The following NBPF14 variants were observed in gnomAD, a reference collection of about 807,000 sequenced individuals.
NBPF14 encodes NBPF member 14.
A neutral mutation model predicts 91.2 loss-of-function variants in NBPF14; 104 were observed. That is an observed-to-expected ratio of 1.14 (90% CI 0.97 to 1.34). The LOEUF (loss-of-function observed/expected upper bound fraction) is 1.34, where lower values mean the gene tolerates loss of function less well. Ranked by LOEUF, NBPF14 falls within the 40% of genes most tolerant of loss-of-function variation. The pLI is 0.00. For synonymous variants in NBPF14, 294 were observed against 303.8 expected, an observed-to-expected ratio of 0.97 and a Z score of 0.34; for missense variants, 908 against 783.0, an observed-to-expected ratio of 1.16 and a Z score of -1.91.
chr1:148,576,147 A>T (rs1351580713), intron 16 of NBPF14, among the ~76,000 whole-genome samples: 9 of 96,882 alleles, frequency 9.3e-5, no homozygotes, highest in Admixed American at 5.4e-4. Flanking sequence ...TGGGCTCAAT[A>T]ATTTTCCGTA....
At chr1:148,574,458 C>T (rs1659474297) in intron 18 of NBPF14, among the ~76,000 whole-genome samples, 1 of 55,846 alleles carries the variant, frequency 1.8e-5, no homozygotes, top group Non-Finnish European at 3.6e-5. Context: ...CACACACACA[C>T]ACACACACAC....
intron 37 of NBPF14, among the ~76,000 whole-genome samples, chr1:148,559,359 A>G (rs1336096354): frequency 1.5e-5 from 2 of 130,570 alleles, no homozygotes; most frequent in Non-Finnish European, 3.0e-5. Context: ...ATCGATTTAA[A>G]GCAATTGCCC....
chr1:148,566,538 CA>C, intron 28 of NBPF14, among the ~76,000 whole-genome samples: 1 of 107,792 alleles, frequency 9.3e-6, no homozygotes, highest in Middle Eastern at 5.7e-3. Flanking sequence ...CACACACACA[CA>C]CAAACACACA....
Position 148,572,653 on chromosome 1 carries a change from G to T in NBPF14, c.2586-38C>A. On this transcript the variant is annotated intron_variant, in intron 20 of 70. Coordinates refer to ENST00000619423, the Ensembl canonical transcript of NBPF14. ...GAAAAAGTAAAGAATAAGCCAGGGG[G>T]AATCAGAAACCACACAGCCCCAGCT... The T allele has an allele frequency of 6.2e-6, 4 of 647,652 alleles. 1 individual carries two copies. The highest frequency in any genetic ancestry group is 1.1e-5 in the Non-Finnish European group (4 of 363,482). 40.1% of individuals were successfully genotyped at this position (647,652 alleles called of 1,614,324 possible).
At chr1:148,534,180 A>G (rs1247707266) in intron 69 of NBPF14, among the ~76,000 whole-genome samples, 2 of 149,782 alleles carry the variant, frequency 1.3e-5, no homozygotes, top group African/African-American at 2.5e-5. Context: ...TCCCTATTCT[A>G]GTAGATCGTT....
chr1:148,566,586 G>C (rs1282824495), intron 28 of NBPF14, among the ~76,000 whole-genome samples: 1 of 142,524 alleles, frequency 7.0e-6, no homozygotes, highest in Admixed American at 7.0e-5. Flanking sequence ...AATTGTCCAG[G>C]TGACACACTG....
At chr1:148,587,360 A>G in exon 8 of NBPF14, 1 of 1,583,014 alleles carries the variant, frequency 6.3e-7, no homozygotes, top group Admixed American at 1.7e-5. Context: ...ACTGTCGCTC[A>G]TTCCTCAGCA....
intron 11 of NBPF14, among the ~76,000 whole-genome samples, chr1:148,583,844 G>T: frequency 1.3e-5 from 1 of 76,240 alleles, no homozygotes; most frequent in Non-Finnish European, 2.1e-5. Flanking sequence ...ACTCCAGCCT[G>T]GGTGACAGAG....
chr1:148,566,394 C>T (rs1658286721), intron 28 of NBPF14, 79 bp from the exon 29 acceptor site: 5 of 673,442 alleles, frequency 7.4e-6, no homozygotes, highest in South Asian at 1.6e-5. Context: ...TCATGGGTAG[C>T]ATAGGGAAGT....
chr1:148,534,823 A>T lies in NBPF14; in HGVS notation c.8475T>A (p.Pro2825=). The change falls in exon 69 of 71, where the codon CCT becomes CCA. Residue 2825 remains proline, a synonymous_variant. Transcript: ENST00000619423. ...TATCCAGTGAGTCCTGCAAGACTTC[A>T]GGATCTTTCTCATCCAGCAGCTCCC... The T allele has an allele frequency of 3.5e-6, 4 of 1,136,740 alleles. 1 individual carries two copies. The South Asian group carries it at 5.0e-5, about 14-fold the overall frequency. 70.4% of individuals were successfully genotyped at this position (1,136,740 alleles called of 1,614,324 possible).
intron 13 of NBPF14, 128 bp downstream of exon 13, chr1:148,578,946 A>G (rs1174504636): frequency 1.5e-6 from 1 of 684,502 alleles, no homozygotes; most frequent in East Asian, 2.7e-5. Context: ...TGAAATCTAC[A>G]TTGATATATA....
intron 8 of NBPF14, among the ~76,000 whole-genome samples, chr1:148,587,056 T>C (rs1309632351): frequency 1.4e-5 from 2 of 147,526 alleles, no homozygotes; most frequent in Non-Finnish European, 3.0e-5. Context: ...TAATTTTGTG[T>C]TATGTAAATT....
chr1:148,575,556 A>C, intron 17 of NBPF14, 83 bp downstream of exon 17: 2 of 106,330 alleles, frequency 1.9e-5, no homozygotes, highest in Non-Finnish European at 3.2e-5. Flanking sequence ...CTCTCGGGTC[A>C]GTAAGGGGCA....
chr1:148,533,383 A>C (rs1654074285), intron 70 of NBPF14, 135 bp from the exon 71 acceptor site: 2 of 576,102 alleles, frequency 3.5e-6, no homozygotes, highest in Non-Finnish European at 6.1e-6. Flanking sequence ...GTAAAAAAAA[A>C]ATTTATTGCC....
chr1:148,576,966 A>G (rs1439062614), intron 15 of NBPF14, among the ~76,000 whole-genome samples: 26 of 144,384 alleles, frequency 1.8e-4, no homozygotes, highest in African/African-American at 4.7e-4. Context: ...AGGGCGCCAC[A>G]GGCATGGCCT....
At chr1:148,587,136 T>G (rs1661673457) in intron 8 of NBPF14, among the ~76,000 whole-genome samples, 165 bp downstream of exon 8, 1 of 148,562 alleles carries the variant, frequency 6.7e-6, no homozygotes, top group South Asian at 2.2e-4. Flanking sequence ...CCCATACATT[T>G]TTACTATCCT....
intron 16 of NBPF14, 23 bp from the exon 17 acceptor site, chr1:148,575,834 A>T: frequency 3.1e-6 from 1 of 318,028 alleles, no homozygotes. Context: ...GAAAAAGTAA[A>T]GAATAAGCCA....
At chr1:148,574,467 A>T (rs1659482218) in intron 18 of NBPF14, among the ~76,000 whole-genome samples, 6 of 54,860 alleles carry the variant, frequency 1.1e-4, no homozygotes, top group African/African-American at 4.7e-4. Context: ...ACACACACAC[A>T]CACACAGAGA....
intron 28 of NBPF14, 54 bp from the exon 29 acceptor site, chr1:148,566,369 A>C (rs1246556622): frequency 8.0e-6 from 6 of 750,048 alleles, no homozygotes; most frequent in African/African-American, 1.8e-5. Flanking sequence ...GACACAACAG[A>C]GCCTCAACTA....
Sources: allele counts gnomAD v4.1 joint callset (sites outside exome capture counted in the v4.1 genomes callset), GRCh38; gene constraint gnomAD v4.1.1; transcripts MANE v1.5; gene names NCBI Gene and HGNC (gene_info 2026-07-23, HGNC 2026-07-21).